The following BNC2 variants were observed in gnomAD, a reference collection of about 807,000 sequenced individuals.
BNC2 encodes basonuclin zinc finger protein 2.
In BNC2, 20 loss-of-function variants were observed where a neutral mutation model predicts 76.3. The observed-to-expected ratio is 0.26, with a 90% CI of 0.18 to 0.38. The LOEUF (loss-of-function observed/expected upper bound fraction) is 0.38, where lower values mean the gene tolerates loss of function less well. Ranked by LOEUF, BNC2 falls within the 10% of genes least tolerant of loss-of-function variation. The pLI, the probability that BNC2 is intolerant of heterozygous loss-of-function variation, is 1.00. For synonymous variants in BNC2, 582 were observed against 514.8 expected, an observed-to-expected ratio of 1.13 and a Z score of -1.77; for missense variants, 1,382 against 1,399.8, an observed-to-expected ratio of 0.99 and a Z score of 0.20.
At chr9:16,665,206 TA>T in intron 3 of BNC2, 1 of 386,020 alleles carries the variant, frequency 2.6e-6, no homozygotes, top group South Asian at 1.9e-5. Context: ...CTGTTTCTAC[TA>T]AAAATAGAAA....
At position 16,435,957 on chromosome 9, in the gene BNC2, C is replaced by T; in HGVS notation, c.2237G>A (p.Ser746Asn). Residue 746 changes from serine to asparagine, a missense_variant, in exon 6 of 7, where the codon AGC becomes AAC. By Grantham distance (46) the Ser-to-Asn change is conservative. Coordinates refer to ENST00000380672, the MANE Select transcript of BNC2 (RefSeq NM_017637.6). ...ESMEGDEHIH[S>N]EVSEKVLMNS... is the part of the protein sequence containing the mutation. Reference sequence around the variant, plus strand: ...CATCAGGACTTTTTCACTCACTTCGCTGTGAATGTGCTCATCCCCTTCCAT... The same window carrying T: ...CATCAGGACTTTTTCACTCACTTCGTTGTGAATGTGCTCATCCCCTTCCAT... 1.9e-6 allele frequency: 3 copies of T among 1,614,174 alleles called. No individual in the cohort carries two copies. The highest frequency in any genetic ancestry group is 4.5e-5 in the East Asian group (2 of 44,854).
At chr9:16,780,129 G>C (rs1211754911) in intron 1 of BNC2, among the ~76,000 whole-genome samples, 12 of 151,130 alleles carry the variant, frequency 7.9e-5, no homozygotes, top group Non-Finnish European at 1.5e-5. Flanking sequence ...CCAGCTACTA[G>C]GGAGGCTGAG....
chr9:16,740,628 G>C (rs375858844), intron 1 of BNC2, among the ~76,000 whole-genome samples: 6 of 152,158 alleles, frequency 3.9e-5, no homozygotes, highest in Non-Finnish European at 8.8e-5. Flanking sequence ...AAACAAGTAA[G>C]AGAAACGTGG....
At chr9:16,431,059 GAAGA>G (rs1441429394) in intron 6 of BNC2, among the ~76,000 whole-genome samples, 3 of 152,114 alleles carry the variant, frequency 2.0e-5, no homozygotes, top group African/African-American at 4.8e-5. Context: ...ACTCTGAGAA[GAAGA>G]AAGGAACAAA....
intron 3 of BNC2, among the ~76,000 whole-genome samples, chr9:16,619,447 A>G (rs1324457237): frequency 6.6e-6 from 1 of 152,186 alleles, no homozygotes; most frequent in Admixed American, 6.6e-5. Context: ...AGGAAAAGAA[A>G]CTTTCCCCAA....
intron 3 of BNC2, among the ~76,000 whole-genome samples, chr9:16,660,255 G>C (rs1822071189): frequency 6.6e-6 from 1 of 152,144 alleles, no homozygotes. Context: ...GGCAGTTCAA[G>C]ACCAGCCTGT....
Position 16,738,487 on chromosome 9 carries a change from T to G in BNC2, c.4-2A>C, listed in dbSNP as rs780187588. 1 of 1,613,848 alleles carries G rather than the reference T, an allele frequency of 6.2e-7. No individual in the cohort carries two copies. Among genetic ancestry groups the G allele is most frequent in the African/African-American group, 1.3e-5 (1 of 74,934 alleles). On this transcript the variant is annotated splice_acceptor_variant, in intron 1 of 6. Coordinates refer to ENST00000380672, the MANE Select transcript of BNC2 (RefSeq NM_017637.6). LOFTEE classifies it high-confidence loss of function. ...AGGTGGGGTGGGCCCAAGGTGTGCC[T>G]ATTGAGAGATTGGGAAAGGAAATTA... is the stretch of plus-strand genomic sequence containing the variant.
chr9:16,530,221 A>C (rs1392705279), intron 5 of BNC2, among the ~76,000 whole-genome samples: 1 of 151,954 alleles, frequency 6.6e-6, no homozygotes, highest in Non-Finnish European at 1.5e-5. Context: ...GGCATGAACT[A>C]CTGAAGCGGC....
At chr9:16,662,671 G>A (rs1268322392) in intron 3 of BNC2, among the ~76,000 whole-genome samples, 2 of 152,164 alleles carry the variant, frequency 1.3e-5, no homozygotes, top group East Asian at 3.9e-4. Context: ...AGGAGGTGGA[G>A]GTTGCAGTGA....
intron 1 of BNC2, among the ~76,000 whole-genome samples, chr9:16,869,027 T>C (rs879724456): frequency 2.0e-5 from 3 of 152,178 alleles, no homozygotes; most frequent in Non-Finnish European, 2.9e-5. Flanking sequence ...TAGGAATACA[T>C]GTGTAGACAA....
chr9:16,543,873 T>C (rs1391804074), intron 5 of BNC2, among the ~76,000 whole-genome samples: 3 of 152,280 alleles, frequency 2.0e-5, no homozygotes, highest in East Asian at 3.9e-4. Context: ...ACAGTGTTTG[T>C]AGAGTGGTCC....
intron 4 of BNC2, among the ~76,000 whole-genome samples, chr9:16,554,405 C>A (rs1818758975): frequency 6.6e-6 from 1 of 152,208 alleles, no homozygotes; most frequent in Non-Finnish European, 1.5e-5. Flanking sequence ...CATTTACCCG[C>A]TGGCTTCATT....
chr9:16,680,900 A>T (rs1822803435), intron 3 of BNC2, among the ~76,000 whole-genome samples: 1 of 152,236 alleles, frequency 6.6e-6, no homozygotes, highest in Non-Finnish European at 1.5e-5. Context: ...AGCCTCATCC[A>T]TATCAATTTC....
At chr9:16,713,036 C>T (rs540875925) in intron 3 of BNC2, among the ~76,000 whole-genome samples, 70 of 152,314 alleles carry the variant, frequency 4.6e-4, no homozygotes, top group African/African-American at 1.7e-3. Context: ...AAGCAGTGTA[C>T]CGTAAGATCA....
intron 1 of BNC2, among the ~76,000 whole-genome samples, chr9:16,776,147 A>G (rs1825960631): frequency 6.6e-6 from 1 of 152,010 alleles, no homozygotes; most frequent in African/African-American, 2.4e-5. Context: ...TTACTTATTC[A>G]TATTTTTTTA....
intron 3 of BNC2, among the ~76,000 whole-genome samples, chr9:16,649,663 T>C (rs1352657639): frequency 1.3e-5 from 2 of 152,204 alleles, no homozygotes; most frequent in East Asian, 3.9e-4. Context: ...AATCTTATTT[T>C]ATGTTCAAGT....
intron 1 of BNC2, among the ~76,000 whole-genome samples, chr9:16,819,649 T>G (rs1206221139): frequency 6.6e-6 from 1 of 151,282 alleles, no homozygotes; most frequent in Admixed American, 6.6e-5. Context: ...AGAGCAAGAT[T>G]CCTTCTCAAA....
intron 3 of BNC2, among the ~76,000 whole-genome samples, chr9:16,723,429 T>G (rs1383045352): frequency 1.3e-5 from 2 of 151,972 alleles, no homozygotes; most frequent in African/African-American, 4.8e-5. Context: ...AATGTACAAC[T>G]AGGCGTCTGA....
intron 1 of BNC2, among the ~76,000 whole-genome samples, chr9:16,803,400 T>A (rs1365234377): frequency 6.6e-6 from 1 of 152,192 alleles, no homozygotes; most frequent in South Asian, 2.1e-4. Context: ...TGAGTTTTAT[T>A]ACAACGAAGG....
Sources: allele counts gnomAD v4.1 joint callset (sites outside exome capture counted in the v4.1 genomes callset), GRCh38; gene constraint gnomAD v4.1.1; transcripts MANE v1.5; gene names NCBI Gene and HGNC (gene_info 2026-07-23, HGNC 2026-07-21).